Variants in CSMD1 observed in about 807,000 individuals in gnomAD.
CSMD1 encodes CUB and sushi domain-containing protein 1.
Under a neutral mutation model 417.5 loss-of-function variants are expected in CSMD1, and 213 were observed. The observed-to-expected ratio is 0.51, with a 90% CI of 0.46 to 0.57. The LOEUF (loss-of-function observed/expected upper bound fraction) is 0.57. Among genes scored for constraint, CSMD1 ranks in the 20% least tolerant of loss-of-function variants. The probability of loss-of-function intolerance (pLI) is 0.00; values close to 1 mark genes in which losing one functional copy is unlikely to be tolerated. For missense variants in CSMD1, 6,923 were observed against 4,529.7 expected (o/e 1.53, Z -15.17); for synonymous variants, 2,862 against 1,736.8 (o/e 1.65, Z -16.11).
chr8:3,835,342 G>C (rs1440368617), intron 5 of CSMD1, among the ~76,000 whole-genome samples: 3 of 152,068 alleles, frequency 2.0e-5, no homozygotes, highest in African/African-American at 4.8e-5. Flanking sequence ...CGACAGACTG[G>C]ATTAAGAAAC....
chr8:4,586,433 A>G (rs1249829755), intron 2 of CSMD1, among the ~76,000 whole-genome samples: 2 of 152,216 alleles, frequency 1.3e-5, no homozygotes, highest in African/African-American at 4.8e-5. Flanking sequence ...TAACCTGTTA[A>G]GCTCATGTTT....
intron 10 of CSMD1, among the ~76,000 whole-genome samples, chr8:3,510,867 G>C (rs564692832): frequency 1.5e-4 from 23 of 151,722 alleles, no homozygotes; most frequent in African/African-American, 4.9e-4. Flanking sequence ...TTTTTTCCTT[G>C]TAAATTTGTT....
chr8:4,791,954 T>A (rs535509353), intron 1 of CSMD1, among the ~76,000 whole-genome samples: 17 of 151,886 alleles, frequency 1.1e-4, no homozygotes, highest in East Asian at 3.9e-4. Context: ...CCTTTTTTTT[T>A]AAATACAAGA....
chr8:3,493,270 G>C (rs1399811526), intron 11 of CSMD1, among the ~76,000 whole-genome samples: 2 of 147,878 alleles, frequency 1.4e-5, no homozygotes, highest in South Asian at 2.2e-4. Context: ...CTGCAGCCTG[G>C]GTGATAGAGT....
intron 1 of CSMD1, among the ~76,000 whole-genome samples, chr8:4,815,647 G>T (rs1490121809): frequency 5.5e-5 from 8 of 145,104 alleles, no homozygotes; most frequent in African/African-American, 1.8e-4. Context: ...AGTGAACTGA[G>T]GCTGCACCAT....
chr8:4,283,606 G>T (rs192496996), intron 3 of CSMD1, among the ~76,000 whole-genome samples: 7 of 152,042 alleles, frequency 4.6e-5, no homozygotes, highest in African/African-American at 1.7e-4. Context: ...CAGGTCCTTG[G>T]GGACACGAAA....
At chr8:4,975,922 C>T (rs557395538) in intron 1 of CSMD1, among the ~76,000 whole-genome samples, 2 of 152,106 alleles carry the variant, frequency 1.3e-5, no homozygotes, top group African/African-American at 4.8e-5. Flanking sequence ...TCACATTGGC[C>T]ATATGTGATA....
chr8:3,826,570 T>C (rs947154828), intron 5 of CSMD1, among the ~76,000 whole-genome samples: 2 of 152,092 alleles, frequency 1.3e-5, no homozygotes, highest in Non-Finnish European at 2.9e-5. Context: ...TCTCTCTGGG[T>C]TGAGATTAAC....
chr8:3,857,457 A>C (rs1804390779), intron 5 of CSMD1, among the ~76,000 whole-genome samples: 1 of 152,220 alleles, frequency 6.6e-6, no homozygotes, highest in Non-Finnish European at 1.5e-5. Flanking sequence ...ACCTTGGAGA[A>C]CTTCTGGACA....
At chr8:4,718,541 G>A (rs1199655930) in intron 1 of CSMD1, among the ~76,000 whole-genome samples, 1 of 151,630 alleles carries the variant, frequency 6.6e-6, no homozygotes, top group Non-Finnish European at 1.5e-5. Context: ...ACTAGCTAAG[G>A]GAATTTGAAA....
At chr8:3,929,523 G>C (rs1809989011) in intron 5 of CSMD1, among the ~76,000 whole-genome samples, 1 of 150,396 alleles carries the variant, frequency 6.6e-6, no homozygotes, top group Non-Finnish European at 1.5e-5. Flanking sequence ...CAAAGTCAAC[G>C]TCCATTGGCA....
At chr8:4,574,147 G>T (rs1221687243) in intron 2 of CSMD1, among the ~76,000 whole-genome samples, 1 of 147,438 alleles carries the variant, frequency 6.8e-6, no homozygotes, top group Non-Finnish European at 1.5e-5. Flanking sequence ...TGTCTCGTTG[G>T]GGTTCCAGGA....
At chr8:3,310,011 C>G (rs1246060397) in intron 23 of CSMD1, among the ~76,000 whole-genome samples, 1 of 152,080 alleles carries the variant, frequency 6.6e-6, no homozygotes, top group East Asian at 1.9e-4. Flanking sequence ...TTAAGAGACA[C>G]CAATAATTTT....
intron 1 of CSMD1, among the ~76,000 whole-genome samples, chr8:4,738,410 G>C (rs1299106894): frequency 6.6e-6 from 1 of 152,136 alleles, no homozygotes; most frequent in African/African-American, 2.4e-5. Flanking sequence ...GGCAGAAGGA[G>C]AAGGGCTGAG....
At chr8:3,616,043 A>C (rs539159204) in intron 8 of CSMD1, among the ~76,000 whole-genome samples, 2 of 152,344 alleles carry the variant, frequency 1.3e-5, no homozygotes, top group African/African-American at 4.8e-5. Context: ...ACTGATACTA[A>C]CATGCATCAT....
chr8:3,283,126 T>A (rs146106275), intron 26 of CSMD1, among the ~76,000 whole-genome samples: 1 of 152,284 alleles, frequency 6.6e-6, no homozygotes, highest in East Asian at 1.9e-4. Flanking sequence ...GGTTTCACAC[T>A]AGTAATTCAG....
chr8:4,274,992 A>C (rs1272979556), intron 3 of CSMD1, among the ~76,000 whole-genome samples: 8 of 152,168 alleles, frequency 5.3e-5, no homozygotes, highest in Non-Finnish European at 1.2e-4. Context: ...GTGGTATAGA[A>C]TGACAGGTAT....
intron 3 of CSMD1, among the ~76,000 whole-genome samples, chr8:4,198,143 A>C (rs7013089): frequency 0.11 from 16,848 of 152,248 alleles, 1,329 homozygotes; most frequent in African/African-American, 0.2. Context: ...TTGAGTCTTA[A>C]ATGATGATCA....
intron 3 of CSMD1, among the ~76,000 whole-genome samples, chr8:4,290,361 G>T (rs767017345): frequency 6.4e-4 from 98 of 152,334 alleles, no homozygotes; most frequent in Non-Finnish European, 1.6e-4. Context: ...ACATCTGAAT[G>T]GAGGGAGAGA....
Sources: gnomAD v4.1 joint callset for allele counts (sites outside exome capture counted in the v4.1 genomes callset) on GRCh38, gnomAD v4.1.1 for gene constraint, MANE v1.5 for transcripts, NCBI Gene and HGNC (gene_info 2026-07-23, HGNC 2026-07-21) for gene names.